The following HPCAL1 variants were observed in gnomAD, a reference collection of about 807,000 sequenced individuals.
HPCAL1 encodes hippocalcin-like protein 1.
A neutral mutation model predicts 17.1 loss-of-function variants in HPCAL1; 8 were observed. The ratio of observed to expected loss-of-function variants is 0.47; its 90% confidence interval spans 0.27 to 0.84. The LOEUF (loss-of-function observed/expected upper bound fraction) is 0.84, where lower values mean the gene tolerates loss of function less well. Ranked by LOEUF, HPCAL1 falls within the 40% of genes least tolerant of loss-of-function variation. HPCAL1 has a pLI of 0.13. For synonymous variants in HPCAL1, 112 were observed against 111.4 expected (o/e 1.01, Z -0.03); for missense variants, 165 against 271.1 (o/e 0.61, Z 2.75).
intron 1 of HPCAL1, among the ~76,000 whole-genome samples, chr2:10,366,716 C>T (rs946118984): frequency 3.9e-5 from 6 of 152,158 alleles, no homozygotes; most frequent in South Asian, 2.1e-4. Context: ...GCACCTGCCC[C>T]GGCTCCCCAG....
chr2:10,316,905 AT>A (rs200828898), intron 1 of HPCAL1, among the ~76,000 whole-genome samples: 1,640 of 152,292 alleles, frequency 0.011, 18 homozygotes, highest in Middle Eastern at 0.037. Flanking sequence ...CTGGTAAATA[AT>A]TTCAGGATCT....
At chr2:10,376,543 C>A (rs1408250878) in intron 1 of HPCAL1, among the ~76,000 whole-genome samples, 1 of 151,966 alleles carries the variant, frequency 6.6e-6, no homozygotes, top group East Asian at 1.9e-4. Flanking sequence ...TCAAGCAATC[C>A]TCCTGCCTCA....
chr2:10,304,781 T>G lies in HPCAL1; in HGVS notation c.-111+1604T>G, dbSNP rs574580620. ...CCTTCATCGCCTTGGTGTCTTTCTC[T>G]GGGGGAAAAAAATCGCCTTTAACCA... On this transcript the variant is annotated intron_variant, in intron 1 of 4. Coordinates refer to ENST00000307845, the MANE Select transcript of HPCAL1 (RefSeq NM_002149.4). The surrounding 1 kb of genome is among the most constrained non-coding windows in gnomAD (Gnocchi z 4.1). Among the ~76,000 whole-genome samples, 12 of 152,224 alleles carry G rather than the reference T, an allele frequency of 7.9e-5. No homozygotes were observed. Among genetic ancestry groups the G allele is most frequent in the African/African-American group, 2.4e-4 (10 of 41,520 alleles).
At position 10,377,111 on chromosome 2, in the gene HPCAL1, G is replaced by C. The variant is rs1667618996; in HGVS notation, c.-110-19724G>C. Among the ~76,000 whole-genome samples, 1 of 152,096 alleles carries C rather than the reference G, an allele frequency of 6.6e-6. No homozygotes were observed. The highest frequency in any genetic ancestry group is 6.5e-5 in the Admixed American group (1 of 15,280). On this transcript the variant is annotated intron_variant, in intron 1 of 4. Transcript: ENST00000307845. The surrounding 1 kb of genome is among the most constrained non-coding windows in gnomAD (Gnocchi z 5.9). Reference sequence around the variant, plus strand: ...CATCCCTTGTGGCCCAAATTTGAAGGCAGTACTCTGTTCCTGGGTGTGCAC... The same window carrying C: ...CATCCCTTGTGGCCCAAATTTGAAGCCAGTACTCTGTTCCTGGGTGTGCAC...
At chr2:10,420,174 A>G (rs1670965497) in intron 3 of HPCAL1, 39 bp downstream of exon 3, 1 of 1,477,228 alleles carries the variant, frequency 6.8e-7, no homozygotes, top group African/African-American at 1.5e-5. Context: ...CCGCGGGCCC[A>G]GGTCCCCTCC....
chr2:10,358,316 A>G (rs1225570801), intron 1 of HPCAL1, among the ~76,000 whole-genome samples: 2 of 152,212 alleles, frequency 1.3e-5, no homozygotes, highest in African/African-American at 2.4e-5. Flanking sequence ...GAGTCTCACT[A>G]TGTTGTCCAG....
In HPCAL1 at chr2:10,416,390, G is replaced by A. The variant is rs541373012; in HGVS notation, c.-24-3344G>A. On this transcript the variant is annotated intron_variant, in intron 2 of 4. Coordinates refer to ENST00000307845, the MANE Select transcript of HPCAL1 (RefSeq NM_002149.4). ...CTGGGCACAGAGCTGTCTGGGATCC[G>A]CCAAGGCAACACAGGAAGGAGTCCA... 2.6e-4 allele frequency among the ~76,000 whole-genome samples: 39 copies of A among 152,266 alleles called. 1 individual carries two copies. Among genetic ancestry groups the A allele is most frequent in the Admixed American group, 8.5e-4 (13 of 15,288 alleles).
intron 1 of HPCAL1, among the ~76,000 whole-genome samples, chr2:10,346,353 G>A (rs1665449747): frequency 6.6e-6 from 1 of 152,192 alleles, no homozygotes; most frequent in Non-Finnish European, 1.5e-5. Context: ...GAATGGGACT[G>A]ACCCCATCAC....
chr2:10,350,052 G>C (rs1665745205), intron 1 of HPCAL1, among the ~76,000 whole-genome samples: 1 of 152,090 alleles, frequency 6.6e-6, no homozygotes, highest in Non-Finnish European at 1.5e-5. Flanking sequence ...ATTCAACTCT[G>C]TTTCATAAAA....
chr2:10,319,887 T>C (rs1248990783), intron 1 of HPCAL1, among the ~76,000 whole-genome samples: 1 of 152,112 alleles, frequency 6.6e-6, no homozygotes, highest in Non-Finnish European at 1.5e-5. Flanking sequence ...GGTTCTGGGC[T>C]GCAGGGGACT....
At chr2:10,376,560 C>G (rs1667570816) in intron 1 of HPCAL1, among the ~76,000 whole-genome samples, 1 of 151,986 alleles carries the variant, frequency 6.6e-6, no homozygotes, top group African/African-American at 2.4e-5. Flanking sequence ...CTCAGCCTCC[C>G]AAGTAGCTGG....
At position 10,330,467 on chromosome 2, in the gene HPCAL1, CA is replaced by C. The variant is rs34745138; in HGVS notation, c.-111+27292del. Among the ~76,000 whole-genome samples, 7,762 of 150,432 alleles carry C rather than the reference CA, an allele frequency of 0.052. 255 individuals are homozygous for C. Among genetic ancestry groups the C allele is most frequent in the South Asian group, 0.14 (669 of 4,774 alleles). ...GGGGTCATAGTCTGGGTGCCTTAAA[CA>C]ACAGGAATTCTTTTTTTTTTACAGT... On this transcript the variant is annotated intron_variant, in intron 1 of 4. Transcript: ENST00000307845. This position sits in a 1 kb window ranked among gnomAD's most constrained non-coding sequence, Gnocchi z 4.2.
chr2:10,355,174 G>T (rs1968172), intron 1 of HPCAL1, among the ~76,000 whole-genome samples: 2 of 152,084 alleles, frequency 1.3e-5, no homozygotes, highest in African/African-American at 4.8e-5. Context: ...TAACGGGGCC[G>T]GGCGCGGTGG....
intron 2 of HPCAL1, among the ~76,000 whole-genome samples, chr2:10,414,869 G>A (rs1670561842): frequency 1.3e-5 from 2 of 152,214 alleles, no homozygotes; most frequent in Admixed American, 1.3e-4. Flanking sequence ...CATTCTGCAC[G>A]TGCGCTGCTG....
chr2:10,366,775 G>C (rs558069691), intron 1 of HPCAL1, among the ~76,000 whole-genome samples: 1 of 152,314 alleles, frequency 6.6e-6, no homozygotes, highest in Admixed American at 6.5e-5. Context: ...TCTCCACTAG[G>C]AGCTCTGTGG....
chr2:10,413,674 CT>C (rs1437653518), intron 2 of HPCAL1, among the ~76,000 whole-genome samples: 1 of 152,244 alleles, frequency 6.6e-6, no homozygotes, highest in East Asian at 1.9e-4. Context: ...GGCACTGCCC[CT>C]AATCTGGTAC....
At chr2:10,320,709 G>A (rs559797445) in intron 1 of HPCAL1, among the ~76,000 whole-genome samples, 4 of 152,328 alleles carry the variant, frequency 2.6e-5, no homozygotes, top group African/African-American at 9.6e-5. Context: ...ACATCAGTGG[G>A]CTCCACCTGG....
chr2:10,326,102 T>C (rs1276678928), intron 1 of HPCAL1, among the ~76,000 whole-genome samples: 1 of 152,200 alleles, frequency 6.6e-6, no homozygotes, highest in East Asian at 1.9e-4. Context: ...CTCTCTGGGT[T>C]CGACACCATC....
intron 1 of HPCAL1, among the ~76,000 whole-genome samples, chr2:10,345,228 T>C (rs1665355961): frequency 6.6e-6 from 1 of 152,244 alleles, no homozygotes; most frequent in African/African-American, 2.4e-5. Context: ...TCTCTGTGTG[T>C]GTCTCTCTCT....
Sources: allele counts gnomAD v4.1 joint callset (sites outside exome capture counted in the v4.1 genomes callset), GRCh38; gene constraint gnomAD v4.1.1; non-coding constraint Gnocchi (gnomAD v3.1); transcripts MANE v1.5; gene names NCBI Gene and HGNC (gene_info 2026-07-23, HGNC 2026-07-21).